Variants in MCC observed in about 807,000 individuals in gnomAD.
The protein encoded by MCC is colorectal mutant cancer protein.
A neutral mutation model predicts 116.2 loss-of-function variants in MCC; 90 were observed. That is an observed-to-expected ratio of 0.77 (90% CI 0.65 to 0.92). The LOEUF is 0.92. MCC is among the 40% of genes least tolerant of loss of function. The pLI is 0.00. For missense variants in MCC, 1,516 were observed against 1,312.2 expected (o/e 1.16, Z -2.40); for synonymous variants, 578 against 510.5 (o/e 1.13, Z -1.78).
chr5:113,219,272 G>A (rs895034650), intron 3 of MCC, among the ~76,000 whole-genome samples: 3 of 152,194 alleles, frequency 2.0e-5, no homozygotes, highest in Admixed American at 6.5e-5. Context: ...GGGAGGTGCC[G>A]TGCAGTCTCT....
At chr5:113,444,948 T>C (rs529063145) in intron 1 of MCC, among the ~76,000 whole-genome samples, 2 of 152,310 alleles carry the variant, frequency 1.3e-5, no homozygotes, top group African/African-American at 4.8e-5. Context: ...CTCAATGCAT[T>C]TAAGTAACTT....
intron 1 of MCC, among the ~76,000 whole-genome samples, chr5:113,430,526 T>C (rs1040810490): frequency 2.6e-5 from 4 of 152,170 alleles, no homozygotes; most frequent in Non-Finnish European, 5.9e-5. Context: ...TGGCAGTGTA[T>C]GAAAGACAGG....
In MCC at chr5:113,025,250, T is replaced by A. The variant is rs1006069433; in HGVS notation, c.*2052A>T. 2 of 151,520 alleles carry A rather than the reference T, an allele frequency of 1.3e-5. No homozygotes were observed. The highest frequency in any genetic ancestry group is 4.8e-5 in the African/African-American group (2 of 41,264). 9.4% of individuals were successfully genotyped at this position (151,520 alleles called of 1,614,324 possible). A position where few individuals can be genotyped will look rare whatever the true frequency, so the allele number is the denominator to read the frequency against. On this transcript the variant is annotated 3_prime_UTR_variant, in exon 19 of 19. Coordinates refer to ENST00000408903, the MANE Select transcript of MCC (RefSeq NM_001085377.2). ...GAAAAATAGTGAAAACTGATTTTTT[T>A]TTTTTTGGGGCATATGTTTTTCAGC... is the stretch of plus-strand genomic sequence containing the variant.
chr5:113,305,116 G>A (rs955184293), intron 3 of MCC, among the ~76,000 whole-genome samples: 3 of 152,126 alleles, frequency 2.0e-5, no homozygotes, highest in Admixed American at 6.5e-5. Context: ...CTGAGGCACA[G>A]GCTGGGAAAG....
intron 3 of MCC, among the ~76,000 whole-genome samples, chr5:113,334,744 C>A (rs1368694939): frequency 6.6e-6 from 1 of 151,064 alleles, no homozygotes; most frequent in East Asian, 1.9e-4. Context: ...GCACGCACCA[C>A]CACACCCGGC....
chr5:113,474,836 A>C (rs761780239), intron 1 of MCC, among the ~76,000 whole-genome samples: 1 of 152,224 alleles, frequency 6.6e-6, no homozygotes, highest in Non-Finnish European at 1.5e-5. Flanking sequence ...CAATTTTATC[A>C]GTGACTTTCA....
intron 3 of MCC, among the ~76,000 whole-genome samples, chr5:113,242,886 C>A (rs951295455): frequency 6.6e-6 from 1 of 152,190 alleles, no homozygotes; most frequent in African/African-American, 2.4e-5. Context: ...TCAGGCAAGA[C>A]CCGGACAAGC....
intron 1 of MCC, among the ~76,000 whole-genome samples, chr5:113,398,058 G>C (rs538711977): frequency 2.0e-5 from 3 of 152,116 alleles, no homozygotes; most frequent in African/African-American, 7.2e-5. Flanking sequence ...AAGAAGACAC[G>C]CAAGTGGCCA....
Position 113,364,246 on chromosome 5 carries a change from A to G in MCC, c.415+20722T>C, listed in dbSNP as rs540318357. Among the ~76,000 whole-genome samples, 660 of 128,294 alleles carry G rather than the reference A, an allele frequency of 5.1e-3. 3 individuals are homozygous for G. Among genetic ancestry groups the G allele is most frequent in the African/African-American group, 0.02 (615 of 30,410 alleles). 84.2% of individuals were successfully genotyped at this position (128,294 alleles called of 152,430 possible). ...ACTCTTTCTCAAAAACAGAAAAAAA[A>G]AAAAAAAAAAAAAACCAGAAAAAAA... is the stretch of plus-strand genomic sequence containing the variant. On this transcript the variant is annotated intron_variant, in intron 2 of 18. Transcript: ENST00000408903.
At chr5:113,470,823 G>A (rs190025476) in intron 1 of MCC, among the ~76,000 whole-genome samples, 2,223 of 151,968 alleles carry the variant, frequency 0.015, 22 homozygotes, top group Non-Finnish European at 0.024. Flanking sequence ...ATACCAATCA[G>A]ATGTAGATTT....
At chr5:113,418,724 C>T (rs944682752) in intron 1 of MCC, among the ~76,000 whole-genome samples, 1 of 151,834 alleles carries the variant, frequency 6.6e-6, no homozygotes, top group African/African-American at 2.4e-5. Flanking sequence ...AAGATGAGTA[C>T]AAGAAAGTAG....
chr5:113,481,596 G>T (rs2150436053), intron 1 of MCC, among the ~76,000 whole-genome samples: 1 of 152,064 alleles, frequency 6.6e-6, no homozygotes, highest in East Asian at 1.9e-4. Context: ...AAAATTAGCT[G>T]GGCGTGGTGG....
rs529648959 is a variant in MCC, at chr5:113,480,261, C to T, written c.170+7984G>A. 7.2e-5 allele frequency among the ~76,000 whole-genome samples: 11 copies of T among 152,318 alleles called. No homozygotes were observed. The South Asian group carries it at 2.1e-3, about 29-fold the overall frequency. On this transcript the variant is annotated intron_variant, in intron 1 of 18. Transcript: ENST00000408903. ...GTTGCTTAAGGACGACTGAGCAAAG[C>T]GCCTGCAAGCAATTTTAGGTCATAC...
At position 113,471,941 on chromosome 5, in the gene MCC, T is replaced by G. The variant is rs115876162; in HGVS notation, c.170+16304A>C. Among the ~76,000 whole-genome samples the G allele has an allele frequency of 8.5e-3, 1,288 of 152,146 alleles. 21 individuals are homozygous for G. Among genetic ancestry groups the G allele is most frequent in the African/African-American group, 0.03 (1,234 of 41,492 alleles). On this transcript the variant is annotated intron_variant, in intron 1 of 18. Transcript: ENST00000408903. ...TGTGGTAGCAATGAGTGAGACTCCG[T>G]GGGCGTGGGACCCTTCGAGCCAGGT...
At chr5:113,135,098 C>G (rs1049357765) in intron 5 of MCC, among the ~76,000 whole-genome samples, 1 of 151,516 alleles carries the variant, frequency 6.6e-6, no homozygotes, top group Non-Finnish European at 1.5e-5. Flanking sequence ...TGCCACCACA[C>G]CTGGCTAATT....
chr5:113,367,889 G>C (rs1422927501), intron 2 of MCC, among the ~76,000 whole-genome samples: 1 of 152,110 alleles, frequency 6.6e-6, no homozygotes. Context: ...TCCTTACTGA[G>C]GGGGGACACT....
At chr5:113,134,008 T>A (rs1020288610) in intron 5 of MCC, among the ~76,000 whole-genome samples, 1 of 152,252 alleles carries the variant, frequency 6.6e-6, no homozygotes, top group Non-Finnish European at 1.5e-5. Flanking sequence ...TGTGCAAATA[T>A]TGTCTCCCAT....
intron 5 of MCC, among the ~76,000 whole-genome samples, chr5:113,135,067 G>C (rs1414567255): frequency 6.6e-6 from 1 of 150,592 alleles, no homozygotes; most frequent in Non-Finnish European, 1.5e-5. Context: ...TCAGCCTCCT[G>C]AGTAGCTGAC....
At chr5:113,424,015 T>C (rs1328208899) in intron 1 of MCC, among the ~76,000 whole-genome samples, 1 of 152,084 alleles carries the variant, frequency 6.6e-6, no homozygotes, top group Admixed American at 6.6e-5. Flanking sequence ...CTGGGGATAC[T>C]GCCTGGGCCA....
Sources: allele counts gnomAD v4.1 joint callset (sites outside exome capture counted in the v4.1 genomes callset), GRCh38; gene constraint gnomAD v4.1.1; transcripts MANE v1.5; gene names NCBI Gene and HGNC (gene_info 2026-07-23, HGNC 2026-07-21).